Variants in IQCJ observed in about 807,000 individuals in gnomAD.
IQCJ encodes the protein IQ domain-containing protein J.
In IQCJ, 9 loss-of-function variants were observed where a neutral mutation model predicts 11.0. That is an observed-to-expected ratio of 0.82 (90% CI 0.49 to 1.43). IQCJ has a LOEUF of 1.43. Ranked by LOEUF, IQCJ falls within the 40% of genes most tolerant of loss-of-function variation. IQCJ has a pLI of 0.00. For missense variants in IQCJ, 146 were observed against 133.2 expected, an observed-to-expected ratio of 1.10 and a Z score of -0.47; for synonymous variants, 55 against 51.3, an observed-to-expected ratio of 1.07 and a Z score of -0.31.
chr3:159,241,781 T>C (rs1371364288), intron 1 of IQCJ, among the ~76,000 whole-genome samples: 1 of 152,166 alleles, frequency 6.6e-6, no homozygotes, highest in Non-Finnish European at 1.5e-5. Context: ...GAAAATATAG[T>C]GGTGGATGTG....
intron 1 of IQCJ, among the ~76,000 whole-genome samples, chr3:159,181,141 C>T (rs538642537): frequency 4.3e-4 from 65 of 151,910 alleles, no homozygotes; most frequent in African/African-American, 1.3e-3. Context: ...GCAATGGAAA[C>T]GAACACCATG....
intron 1 of IQCJ, among the ~76,000 whole-genome samples, chr3:159,102,509 A>T (rs912568060): frequency 3.3e-5 from 5 of 152,218 alleles, no homozygotes; most frequent in Admixed American, 3.3e-4. Context: ...TGGGAAAGGT[A>T]GTAATTTTCC....
chr3:159,263,070 A>G lies in IQCJ; in HGVS notation c.*339A>G. 1.0e-6 allele frequency: 1 copy of G among 1,000,120 alleles called. No homozygotes were observed. The highest frequency in any genetic ancestry group is 4.5e-5 in the South Asian group (1 of 22,244). The allele number at this position is 1,000,120 out of a possible 1,614,324, so 62.0% of individuals were successfully genotyped here. ...TATAAGGAGTAGAAAGAGAACTTTT[A>G]CCAGAAGAATTGAAAGTGGTCACAC... On this transcript the variant is annotated 3_prime_UTR_variant, in exon 4 of 4. Transcript: ENST00000397832.
intron 1 of IQCJ, among the ~76,000 whole-genome samples, chr3:159,182,211 T>TAAA (rs61435903): frequency 1.7e-4 from 25 of 151,400 alleles, no homozygotes; most frequent in African/African-American, 6.1e-4. Context: ...ATACTTTTTT[T>TAAA]AAAAAAAACA....
At chr3:159,179,882 T>G (rs1722995734) in intron 1 of IQCJ, among the ~76,000 whole-genome samples, 1 of 152,130 alleles carries the variant, frequency 6.6e-6, no homozygotes, top group Non-Finnish European at 1.5e-5. Flanking sequence ...GACTCTGTGA[T>G]CAAGACACAG....
chr3:159,089,323 C>A (rs1441598309), intron 1 of IQCJ, among the ~76,000 whole-genome samples: 1 of 152,142 alleles, frequency 6.6e-6, no homozygotes, highest in Non-Finnish European at 1.5e-5. Context: ...TTGAGGATAA[C>A]CTGACCTTTC....
intron 1 of IQCJ, among the ~76,000 whole-genome samples, chr3:159,085,036 T>C (rs898136677): frequency 8.6e-5 from 13 of 152,034 alleles, no homozygotes; most frequent in Non-Finnish European, 1.8e-4. Context: ...CATCTAGCAT[T>C]AGGTATATCT....
chr3:159,088,657 C>T (rs1559979954), intron 1 of IQCJ, among the ~76,000 whole-genome samples: 4 of 152,066 alleles, frequency 2.6e-5, no homozygotes, highest in Admixed American at 2.6e-4. Flanking sequence ...TGAATTGATC[C>T]CTTTACCATT....
chr3:159,219,405 C>T (rs1054626614), intron 1 of IQCJ, among the ~76,000 whole-genome samples: 1 of 152,124 alleles, frequency 6.6e-6, no homozygotes, highest in African/African-American at 2.4e-5. Flanking sequence ...AATTCTATGA[C>T]ACATAAAAGT....
chr3:159,088,537 T>G (rs1381685998), intron 1 of IQCJ, among the ~76,000 whole-genome samples: 25 of 152,190 alleles, frequency 1.6e-4, no homozygotes, highest in Admixed American at 1.6e-3. Context: ...TCTCCCATTA[T>G]TAATGTGTGG....
At chr3:159,089,872 C>A (rs1051613732) in intron 1 of IQCJ, among the ~76,000 whole-genome samples, 1 of 151,754 alleles carries the variant, frequency 6.6e-6, no homozygotes. Context: ...TGAGTGTCCT[C>A]CTGTAGCTCA....
chr3:159,259,449 A>G (rs1241162018), intron 3 of IQCJ, among the ~76,000 whole-genome samples: 1 of 152,160 alleles, frequency 6.6e-6, no homozygotes, highest in Non-Finnish European at 1.5e-5. Flanking sequence ...TGGGTAATTT[A>G]CTCTGTAGCC....
chr3:159,130,939 TG>T, intron 1 of IQCJ, among the ~76,000 whole-genome samples: 1 of 152,254 alleles, frequency 6.6e-6, no homozygotes, highest in East Asian at 1.9e-4. Context: ...AAGTGTTAAT[TG>T]CTCCTTTAAT....
At chr3:159,224,605 T>A (rs908163615) in intron 1 of IQCJ, among the ~76,000 whole-genome samples, 1 of 152,192 alleles carries the variant, frequency 6.6e-6, no homozygotes, top group Non-Finnish European at 1.5e-5. Flanking sequence ...TCAACAGAGA[T>A]ATAAGATCAG....
intron 1 of IQCJ, among the ~76,000 whole-genome samples, chr3:159,173,983 C>T (rs1329720766): frequency 6.6e-6 from 1 of 151,914 alleles, no homozygotes; most frequent in Non-Finnish European, 1.5e-5. Flanking sequence ...CATAATTTTC[C>T]TCCATTTATA....
chr3:159,091,666 A>ATG (rs1717306143), intron 1 of IQCJ, among the ~76,000 whole-genome samples: 2 of 79,724 alleles, frequency 2.5e-5, no homozygotes, highest in African/African-American at 1.2e-4. Context: ...ACACACACAC[A>ATG]CACGCATGCA....
intron 1 of IQCJ, among the ~76,000 whole-genome samples, chr3:159,237,919 T>G (rs1053407707): frequency 6.6e-6 from 1 of 152,126 alleles, no homozygotes; most frequent in East Asian, 1.9e-4. Flanking sequence ...CAAAAGAAAC[T>G]TAGGGTTCTT....
intron 1 of IQCJ, among the ~76,000 whole-genome samples, chr3:159,100,101 C>T (rs372550723): frequency 0.012 from 78 of 6,374 alleles, no homozygotes; most frequent in East Asian, 0.027. Flanking sequence ...CTTCCCTTCT[C>T]GCTTCATTTC....
chr3:159,196,415 G>A (rs2108053266), intron 1 of IQCJ, among the ~76,000 whole-genome samples: 1 of 152,246 alleles, frequency 6.6e-6, no homozygotes, highest in South Asian at 2.1e-4. Flanking sequence ...TGTTAGAATT[G>A]CCTGGGTACC....
Sources: gnomAD v4.1 joint callset for allele counts (sites outside exome capture counted in the v4.1 genomes callset) on GRCh38, gnomAD v4.1.1 for gene constraint, MANE v1.5 for transcripts, NCBI Gene and HGNC (gene_info 2026-07-23, HGNC 2026-07-21) for gene names.